Variants in DOCK8 observed in about 807,000 individuals in gnomAD.
The protein encoded by DOCK8 is dedicator of cytokinesis protein 8.
In DOCK8, 141 loss-of-function variants were observed where a neutral mutation model predicts 245.6. That is an observed-to-expected ratio of 0.57 (90% confidence interval 0.50 to 0.66). The LOEUF (loss-of-function observed/expected upper bound fraction) is 0.66. Ranked by LOEUF, DOCK8 falls within the 30% of genes least tolerant of loss-of-function variation. The pLI is 0.00. For synonymous variants in DOCK8, 1,168 were observed against 970.2 expected (o/e 1.20, Z -3.79); for missense variants, 2,965 against 2,603.4 (o/e 1.14, Z -3.02).
intron 26 of DOCK8, among the ~76,000 whole-genome samples, chr9:400,326 C>T (rs1327379929): frequency 5.3e-4 from 52 of 97,388 alleles, no homozygotes; most frequent in Admixed American, 9.9e-4. Flanking sequence ...CCACCTCCAC[C>T]ACCACCACCT....
At chr9:310,640 T>C (rs1261050052) in intron 5 of DOCK8, among the ~76,000 whole-genome samples, 1 of 152,118 alleles carries the variant, frequency 6.6e-6, no homozygotes, top group Non-Finnish European at 1.5e-5. Flanking sequence ...TTTGTATTTT[T>C]AGTAGCGATG....
In DOCK8 at chr9:406,927, T is replaced by C; in HGVS notation, c.3391-3T>C. On this transcript the variant is annotated splice_region_variant and splice_polypyrimidine_tract_variant and intron_variant, in intron 27 of 47. Coordinates refer to ENST00000432829, the MANE Select transcript of DOCK8 (RefSeq NM_203447.4). ...CATAAAATGGCTCCTTACGTTTCTG[T>C]AGAACTCAAGCTCCTGCTCCAGCTT... 2 of 1,614,066 alleles carry C rather than the reference T, an allele frequency of 1.2e-6. No homozygotes were observed. Among genetic ancestry groups the C allele is most frequent in the Non-Finnish European group, 1.7e-6 (2 of 1,180,010 alleles).
At chr9:311,669 A>G (rs940679071) in intron 5 of DOCK8, among the ~76,000 whole-genome samples, 5 of 152,140 alleles carry the variant, frequency 3.3e-5, no homozygotes, top group Non-Finnish European at 7.4e-5. Context: ...CCAACAACCG[A>G]TAGGAATGTA....
intron 14 of DOCK8, among the ~76,000 whole-genome samples, chr9:345,442 C>G (rs963891209): frequency 2.6e-5 from 4 of 152,138 alleles, no homozygotes; most frequent in African/African-American, 9.7e-5. Flanking sequence ...AACTGCAGAG[C>G]CCCCCTGGGT....
At chr9:407,142 G>C (rs2055468288) in intron 28 of DOCK8, 73 bp downstream of exon 28, 1 of 1,596,854 alleles carries the variant, frequency 6.3e-7, no homozygotes, top group Non-Finnish European at 8.5e-7. Context: ...TTGCAGTCTA[G>C]CTTCTCACAC....
At position 358,576 on chromosome 9, in the gene DOCK8, C is replaced by T. The variant is rs544001704; in HGVS notation, c.1680-9442C>T. ...TTAAAAATTACCTGCAGGCCAGGTG[C>T]GGTGGCTCATGCCTGTAATCCCAAC... On this transcript the variant is annotated intron_variant, in intron 14 of 47. Coordinates refer to ENST00000432829, the MANE Select transcript of DOCK8 (RefSeq NM_203447.4). Among the ~76,000 whole-genome samples the T allele has an allele frequency of 7.2e-5, 11 of 152,084 alleles. 1 individual carries two copies. The highest frequency in any genetic ancestry group is 2.7e-4 in the African/African-American group (11 of 41,488).
intron 1 of DOCK8, among the ~76,000 whole-genome samples, chr9:237,359 A>T (rs546114140): frequency 6.6e-6 from 1 of 152,360 alleles, no homozygotes; most frequent in African/African-American, 2.4e-5. Flanking sequence ...TTAAAATCTA[A>T]TTGCAATTGC....
rs958131420 is a variant in DOCK8, at chr9:327,517, C to T, written c.895-505C>T. On this transcript the variant is annotated intron_variant, in intron 8 of 47. Coordinates refer to ENST00000432829, the MANE Select transcript of DOCK8 (RefSeq NM_203447.4). The stretch of plus-strand genomic sequence containing the variant: ...CAAGTGATCCATCCTCCCACCTCAG[C>T]GTCCCAAGTCGCTGGAACCACAGGC... 3.3e-5 allele frequency among the ~76,000 whole-genome samples: 5 copies of T among 151,918 alleles called. No homozygotes were observed. The South Asian group carries it at 6.2e-4, about 19-fold the overall frequency.
intron 44 of DOCK8, among the ~76,000 whole-genome samples, chr9:448,541 A>G (rs2057334952): frequency 6.6e-6 from 1 of 152,178 alleles, no homozygotes; most frequent in Non-Finnish European, 1.5e-5. Context: ...ACAATTCTAG[A>G]GGCTAGAAGT....
chr9:261,736 C>A (rs957130303), intron 1 of DOCK8, among the ~76,000 whole-genome samples: 1 of 152,064 alleles, frequency 6.6e-6, no homozygotes, highest in Admixed American at 6.6e-5. Flanking sequence ...TTTTCCTCTA[C>A]TTTTGCAGTT....
intron 2 of DOCK8, among the ~76,000 whole-genome samples, chr9:273,394 C>G (rs955689366): frequency 6.6e-6 from 1 of 152,018 alleles, no homozygotes; most frequent in East Asian, 1.9e-4. Flanking sequence ...ATTAGATATG[C>G]TTATTGGTTT....
intron 1 of DOCK8, chr9:268,295 G>T (rs879281264): frequency 4.6e-5 from 7 of 152,322 alleles, no homozygotes; most frequent in Non-Finnish European, 8.8e-5. Flanking sequence ...GAAAATAGGA[G>T]TGCTATTAGG....
chr9:267,771 G>C (rs1019567562), intron 1 of DOCK8, among the ~76,000 whole-genome samples: 1 of 152,068 alleles, frequency 6.6e-6, no homozygotes, highest in Non-Finnish European at 1.5e-5. Flanking sequence ...CATATATTTT[G>C]TAGTATTATT....
chr9:233,467 T>A (rs1431037949), intron 1 of DOCK8, among the ~76,000 whole-genome samples: 1 of 152,152 alleles, frequency 6.6e-6, no homozygotes, highest in Non-Finnish European at 1.5e-5. Flanking sequence ...ACTTTCTGTC[T>A]CACTGATCTG....
intron 29 of DOCK8, among the ~76,000 whole-genome samples, chr9:417,688 G>A (rs950007733): frequency 6.6e-6 from 1 of 152,124 alleles, no homozygotes; most frequent in African/African-American, 2.4e-5. Flanking sequence ...TGTGATAATA[G>A]CTTATTATTC....
chr9:292,181 A>C (rs1221882436), intron 4 of DOCK8, among the ~76,000 whole-genome samples: 2 of 150,414 alleles, frequency 1.3e-5, no homozygotes, highest in African/African-American at 4.9e-5. Flanking sequence ...GACCAGCCTG[A>C]CCAACATGGA....
intron 5 of DOCK8, among the ~76,000 whole-genome samples, chr9:309,289 G>A (rs930385234): frequency 6.6e-6 from 1 of 151,726 alleles, no homozygotes; most frequent in African/African-American, 2.4e-5. Flanking sequence ...ATTAATAATC[G>A]AAGTGTTAAT....
chr9:354,447 T>C (rs2131043594), intron 14 of DOCK8, among the ~76,000 whole-genome samples: 1 of 152,332 alleles, frequency 6.6e-6, no homozygotes, highest in South Asian at 2.1e-4. Flanking sequence ...GGACGTATAC[T>C]TTTAAAAATT....
chr9:246,086 T>A (rs1465528475), intron 1 of DOCK8, among the ~76,000 whole-genome samples: 1 of 151,794 alleles, frequency 6.6e-6, no homozygotes, highest in Non-Finnish European at 1.5e-5. Context: ...CCAGGCATAG[T>A]GGCGTACCTG....
Sources: gnomAD v4.1 joint callset for allele counts (sites outside exome capture counted in the v4.1 genomes callset) on GRCh38, gnomAD v4.1.1 for gene constraint, MANE v1.5 for transcripts, NCBI Gene and HGNC (gene_info 2026-07-23, HGNC 2026-07-21) for gene names.